Variants in AUTS2 observed in about 807,000 individuals in gnomAD.
AUTS2 encodes the protein activator of transcription and developmental regulator AUTS2, also known as autism susceptibility gene 2 protein.
AUTS2 carries 17 observed loss-of-function variants against 112.4 expected under a neutral mutation model. The observed-to-expected ratio is 0.15, with a 90% confidence interval of 0.10 to 0.23. The LOEUF is 0.23. Ranked by LOEUF, AUTS2 falls within the 10% of genes least tolerant of loss-of-function variation. The pLI is 1.00. For missense variants in AUTS2, 1,510 were observed against 1,701.6 expected (o/e 0.89, Z 1.98); for synonymous variants, 751 against 702.7 (o/e 1.07, Z -1.09).
intron 2 of AUTS2, among the ~76,000 whole-genome samples, chr7:70,099,468 T>G (rs1178245315): frequency 1.3e-5 from 2 of 152,118 alleles, no homozygotes; most frequent in Non-Finnish European, 2.9e-5. Flanking sequence ...GGGGGTCATT[T>G]TTTTGGCTTT....
intron 1 of AUTS2, among the ~76,000 whole-genome samples, chr7:69,623,307 C>CA (rs1793763499): frequency 6.6e-6 from 1 of 150,696 alleles, no homozygotes; most frequent in South Asian, 2.1e-4. Flanking sequence ...ACTGCAGTCT[C>CA]AAACTCCTGG....
intron 2 of AUTS2, among the ~76,000 whole-genome samples, chr7:69,963,105 CA>C (rs1797496380): frequency 6.6e-6 from 1 of 151,642 alleles, no homozygotes; most frequent in Admixed American, 6.6e-5. Context: ...TAAAACAAAA[CA>C]AAAAAGGTGG....
chr7:70,478,105 G>A, intron 5 of AUTS2, among the ~76,000 whole-genome samples: 1 of 152,206 alleles, frequency 6.6e-6, no homozygotes, highest in Admixed American at 6.5e-5. Flanking sequence ...CTGCTGTGCA[G>A]ACCCAATCTT....
chr7:70,251,551 A>G (rs952365856), intron 4 of AUTS2, among the ~76,000 whole-genome samples: 2 of 152,112 alleles, frequency 1.3e-5, no homozygotes, highest in Non-Finnish European at 2.9e-5. Flanking sequence ...CTTTTCAAGT[A>G]TTGCCAACTC....
intron 4 of AUTS2, among the ~76,000 whole-genome samples, chr7:70,262,011 G>T (rs1309036383): frequency 2.6e-5 from 4 of 152,004 alleles, no homozygotes; most frequent in Non-Finnish European, 4.4e-5. Flanking sequence ...GAGCACAGCA[G>T]GCATAATTAA....
chr7:69,739,829 G>C (rs777103270), intron 1 of AUTS2, among the ~76,000 whole-genome samples: 3 of 152,266 alleles, frequency 2.0e-5, no homozygotes, highest in South Asian at 2.1e-4. Flanking sequence ...TATGGATGTT[G>C]TCGTCGGTGT....
At position 69,747,784 on chromosome 7, in the gene AUTS2, G is replaced by GGTGTGTGTGTGT. The variant is rs10695531; in HGVS notation, c.309+147843_309+147854dup. ...TGTGACAGACAGAGAGAAGGAGAGGGGTGTGTGTGTGTGTGTGTGTGTGTG... is the reference window on the plus strand; with the variant it reads ...TGTGACAGACAGAGAGAAGGAGAGGGGTGTGTGTGTGTGTGTGTGTGTGTGTGTGTGTGTGTG... On this transcript the variant is annotated intron_variant, in intron 1 of 18. Coordinates refer to ENST00000342771, the MANE Select transcript of AUTS2 (RefSeq NM_015570.4). 6.7e-3 allele frequency among the ~76,000 whole-genome samples: 973 copies of GGTGTGTGTGTGT among 144,578 alleles called. 8 individuals carry two copies. The highest frequency in any genetic ancestry group is 0.013 in the African/African-American group (517 of 38,720). 94.8% of individuals were successfully genotyped at this position (144,578 alleles called of 152,430 possible). A position where few individuals can be genotyped will look rare whatever the true frequency, so the allele number is the denominator to read the frequency against.
intron 2 of AUTS2, among the ~76,000 whole-genome samples, chr7:69,940,147 A>G (rs1796567238): frequency 2.0e-5 from 3 of 152,206 alleles, no homozygotes; most frequent in Admixed American, 2.0e-4. Flanking sequence ...AGGTTTCACA[A>G]CTTACAAATA....
At chr7:69,846,042 C>T (rs1313417266) in intron 1 of AUTS2, among the ~76,000 whole-genome samples, 1 of 152,142 alleles carries the variant, frequency 6.6e-6, no homozygotes, top group East Asian at 1.9e-4. Context: ...GACTAAATGA[C>T]CACTTCCCTC....
At chr7:70,469,406 A>T (rs1312583234) in intron 5 of AUTS2, among the ~76,000 whole-genome samples, 3 of 152,134 alleles carry the variant, frequency 2.0e-5, no homozygotes, top group African/African-American at 7.2e-5. Flanking sequence ...CTGGGGGAAA[A>T]CTATACCTGG....
intron 5 of AUTS2, among the ~76,000 whole-genome samples, chr7:70,571,936 T>G (rs1801959545): frequency 6.6e-6 from 1 of 152,072 alleles, no homozygotes; most frequent in Non-Finnish European, 1.5e-5. Context: ...CAGAGCAGCT[T>G]TGGGGTATTA....
chr7:69,646,234 AAGC>A (rs1158979669), intron 1 of AUTS2, among the ~76,000 whole-genome samples: 4 of 152,176 alleles, frequency 2.6e-5, no homozygotes, highest in South Asian at 2.1e-4. Context: ...TTTTTTAAAA[AAGC>A]AGGCTGCTAC....
intron 4 of AUTS2, among the ~76,000 whole-genome samples, chr7:70,143,425 C>T (rs1806963358): frequency 6.6e-6 from 1 of 152,214 alleles, no homozygotes; most frequent in Admixed American, 6.5e-5. Context: ...ACTGTCAGAT[C>T]CTGTACACAT....
At chr7:69,754,744 C>G (rs1433423576) in intron 1 of AUTS2, among the ~76,000 whole-genome samples, 1 of 152,164 alleles carries the variant, frequency 6.6e-6, no homozygotes, top group Admixed American at 6.5e-5. Context: ...CATATCTTAG[C>G]TCATCTCATT....
At chr7:70,744,243 C>T (rs1319464569) in intron 6 of AUTS2, among the ~76,000 whole-genome samples, 10 of 152,276 alleles carry the variant, frequency 6.6e-5, no homozygotes, top group South Asian at 6.2e-4. Flanking sequence ...ATATAGCCAA[C>T]GTCACTCATT....
chr7:70,737,573 C>A (rs1484176208), intron 6 of AUTS2, among the ~76,000 whole-genome samples: 2 of 152,140 alleles, frequency 1.3e-5, no homozygotes, highest in African/African-American at 4.8e-5. Context: ...ATTCACAAGC[C>A]CCTCTCCAAC....
At chr7:69,954,723 C>G (rs1797152019) in intron 2 of AUTS2, among the ~76,000 whole-genome samples, 2 of 152,204 alleles carry the variant, frequency 1.3e-5, no homozygotes, top group African/African-American at 4.8e-5. Flanking sequence ...TATGCAAGGT[C>G]ATAAAGCTGG....
chr7:70,005,673 TG>T (rs1799515459), intron 2 of AUTS2, among the ~76,000 whole-genome samples: 1 of 152,194 alleles, frequency 6.6e-6, no homozygotes, highest in Middle Eastern at 3.4e-3. Context: ...CTGAGCTGGC[TG>T]CTGAAGAAGA....
chr7:70,335,844 T>A (rs1790964373), intron 4 of AUTS2, among the ~76,000 whole-genome samples: 1 of 152,210 alleles, frequency 6.6e-6, no homozygotes, highest in Admixed American at 6.5e-5. Flanking sequence ...GCAGTATTAA[T>A]GAAGAAGCCA....
Sources: allele counts gnomAD v4.1 joint callset (sites outside exome capture counted in the v4.1 genomes callset), GRCh38; gene constraint gnomAD v4.1.1; transcripts MANE v1.5; gene names NCBI Gene and HGNC (gene_info 2026-07-23, HGNC 2026-07-21).